CBX5: variants seen among roughly 807,000 people sequenced by gnomAD.
CBX5 encodes chromobox protein homolog 5.
A neutral mutation model predicts 20.7 loss-of-function variants in CBX5; 7 were observed. That is an observed-to-expected ratio of 0.34 (90% confidence interval 0.19 to 0.63). The LOEUF (loss-of-function observed/expected upper bound fraction) is 0.63, where lower values mean the gene tolerates loss of function less well. Ranked by LOEUF, CBX5 falls within the 30% of genes least tolerant of loss-of-function variation. The pLI is 0.75. For synonymous variants in CBX5, 78 were observed against 77.0 expected, an observed-to-expected ratio of 1.01 and a Z score of -0.07; for missense variants, 110 against 224.1, an observed-to-expected ratio of 0.49 and a Z score of 3.25.
At chr12:54,272,698 A>G (rs958107721) in intron 1 of CBX5, 2 of 152,240 alleles carry the variant, frequency 1.3e-5, no homozygotes, top group Non-Finnish European at 2.9e-5. Flanking sequence ...TTCAAGTCCT[A>G]GGCAAGAACA....
chr12:54,249,936 A>C (rs546134667), intron 3 of CBX5, among the ~76,000 whole-genome samples: 4 of 152,292 alleles, frequency 2.6e-5, no homozygotes, highest in African/African-American at 9.6e-5. Context: ...TAAAATTGTT[A>C]ATTGAGCCAG....
At chr12:54,272,812 A>G (rs964228254) in intron 1 of CBX5, 1 of 152,190 alleles carries the variant, frequency 6.6e-6, no homozygotes, top group Non-Finnish European at 1.5e-5. Flanking sequence ...ATCACTTCAT[A>G]AAGTCTTAGG....
At chr12:54,277,918 C>T (rs914579322) in intron 1 of CBX5, among the ~76,000 whole-genome samples, 3 of 152,198 alleles carry the variant, frequency 2.0e-5, no homozygotes, top group Non-Finnish European at 4.4e-5. Context: ...ATAATCATCT[C>T]ACACTGCACC....
chr12:54,244,811 G>T (rs1367718364), intron 4 of CBX5, among the ~76,000 whole-genome samples: 1 of 152,124 alleles, frequency 6.6e-6, no homozygotes, highest in African/African-American at 2.4e-5. Context: ...AATAACTTGT[G>T]CTTTGGCCAG....
rs1244907827 is a variant in CBX5 at position 54,239,676 on chromosome 12, C to T, written c.*2079G>A. On this transcript the variant is annotated 3_prime_UTR_variant, in exon 5 of 5. Coordinates refer to ENST00000209875, the MANE Select transcript of CBX5 (RefSeq NM_012117.3). ...AGAGAGAAGGAATATAGAGATAAAA[C>T]TCCCACCCACTTGAGGTATGGTTTA... is the stretch of plus-strand genomic sequence containing the variant. The T allele has an allele frequency of 6.6e-6, 1 of 152,200 alleles. No individual in the cohort carries two copies. Among genetic ancestry groups the T allele is most frequent in the Non-Finnish European group, 1.5e-5 (1 of 68,038 alleles). 9.4% of individuals were successfully genotyped at this position (152,200 alleles called of 1,614,324 possible).
At chr12:54,259,983 C>T (rs1943900265) in intron 1 of CBX5, among the ~76,000 whole-genome samples, 1 of 151,996 alleles carries the variant, frequency 6.6e-6, no homozygotes, top group Non-Finnish European at 1.5e-5. Context: ...CACCAGAGCA[C>T]TTTGGGCAAT....
At chr12:54,254,355 GT>G (rs1943843188) in intron 2 of CBX5, among the ~76,000 whole-genome samples, 2 of 141,776 alleles carry the variant, frequency 1.4e-5, no homozygotes, top group Non-Finnish European at 1.5e-5. Context: ...AAAAAAAAAG[GT>G]TTATTTAGAT....
chr12:54,272,050 G>C (rs1489856879), intron 1 of CBX5: 1 of 152,206 alleles, frequency 6.6e-6, no homozygotes, highest in Non-Finnish European at 1.5e-5. Context: ...ACGAGGCACA[G>C]AGAGTTCAAG....
intron 4 of CBX5, among the ~76,000 whole-genome samples, chr12:54,245,886 G>A (rs2137012298): frequency 6.6e-6 from 1 of 152,302 alleles, no homozygotes; most frequent in Admixed American, 6.5e-5. Context: ...GCTGAGACAG[G>A]AGAATCACTT....
chr12:54,242,003 T>C, intron 4 of CBX5, 98 bp from the exon 5 acceptor site: 1 of 1,200,868 alleles, frequency 8.3e-7, no homozygotes, highest in Non-Finnish European at 1.2e-6. Context: ...TTGACTTGAT[T>C]TCCTCCTCAC....
rs1943657000 is a variant in CBX5, at chr12:54,239,714, C to G, written c.*2041G>C. On this transcript the variant is annotated 3_prime_UTR_variant, in exon 5 of 5. Transcript: ENST00000209875. Reference sequence around the variant, plus strand: ...GAGGTATGGTTTATGAGCTCTTGCCCAATCACATTACCATTCAGAAGGATT... The same window carrying G: ...GAGGTATGGTTTATGAGCTCTTGCCGAATCACATTACCATTCAGAAGGATT... 1 of 152,162 alleles carries G rather than the reference C, an allele frequency of 6.6e-6. No homozygotes were observed. Among genetic ancestry groups the G allele is most frequent in the Non-Finnish European group, 1.5e-5 (1 of 68,040 alleles). 9.4% of individuals were successfully genotyped at this position (152,162 alleles called of 1,614,324 possible). A position where few individuals can be genotyped will look rare whatever the true frequency, so the allele number is the denominator to read the frequency against.
chr12:54,279,410 TGG>T (rs1246514238), intron 1 of CBX5, among the ~76,000 whole-genome samples: 2 of 152,152 alleles, frequency 1.3e-5, no homozygotes, highest in Non-Finnish European at 2.9e-5. Context: ...AGGAGGTGTA[TGG>T]GACTGAGGCC....
chr12:54,260,245 C>T (rs1164304533), intron 1 of CBX5, among the ~76,000 whole-genome samples: 4 of 149,976 alleles, frequency 2.7e-5, no homozygotes, highest in Admixed American at 6.6e-5. Flanking sequence ...AATCCCAGAA[C>T]TTTGGGAGGC....
chr12:54,276,261 A>G (rs1944066651), intron 1 of CBX5, among the ~76,000 whole-genome samples: 1 of 152,204 alleles, frequency 6.6e-6, no homozygotes, highest in Non-Finnish European at 1.5e-5. Flanking sequence ...TAGGTTGAAA[A>G]TATGAAAAAT....
In CBX5 at chr12:54,250,295, C is replaced by T. The variant is rs185713783; in HGVS notation, c.324+1746G>A. 3.3e-3 allele frequency among the ~76,000 whole-genome samples: 497 copies of T among 152,006 alleles called. 2 individuals carry two copies. Among genetic ancestry groups the T allele is most frequent in the African/African-American group, 0.012 (482 of 41,472 alleles). On this transcript the variant is annotated intron_variant, in intron 3 of 4. Transcript: ENST00000209875. ...CTATGGTGGCACATGCCTGTAATCC[C>T]AACTACTCAGAAGGCTGAAACAGGA...
rs1042149712 is a variant in CBX5, at chr12:54,236,789, G to A, written c.*4966C>T. 2 of 152,088 alleles carry A rather than the reference G, an allele frequency of 1.3e-5. No homozygotes were observed. Among genetic ancestry groups the A allele is most frequent in the Admixed American group, 6.5e-5 (1 of 15,270 alleles). The allele number at this position is 152,088 out of a possible 1,614,324, so 9.4% of individuals were successfully genotyped here. Reference sequence around the variant, plus strand: ...TTATGCCCTCAAAACTGAACCTTAAGGTAGAGACAATTGCTCCCCGGGCCA... The same window carrying A: ...TTATGCCCTCAAAACTGAACCTTAAAGTAGAGACAATTGCTCCCCGGGCCA... On this transcript the variant is annotated 3_prime_UTR_variant, in exon 5 of 5. Coordinates refer to ENST00000209875, the MANE Select transcript of CBX5 (RefSeq NM_012117.3).
chr12:54,263,662 G>A (rs559539470), intron 1 of CBX5, among the ~76,000 whole-genome samples: 26 of 151,320 alleles, frequency 1.7e-4, no homozygotes, highest in African/African-American at 6.1e-4. Flanking sequence ...CTACTCAGGA[G>A]GGTGAGGCAG....
chr12:54,270,257 A>G (rs1348404136), intron 1 of CBX5, among the ~76,000 whole-genome samples: 1 of 152,088 alleles, frequency 6.6e-6, no homozygotes, highest in Non-Finnish European at 1.5e-5. Context: ...TTTCCCTTTA[A>G]GCACTTCCTT....
At chr12:54,251,633 T>G (rs902706553) in intron 3 of CBX5, among the ~76,000 whole-genome samples, 21 of 151,546 alleles carry the variant, frequency 1.4e-4, no homozygotes, top group African/African-American at 4.4e-4. Context: ...TGCAGTGAGC[T>G]GAGATCCAGC....
Sources: gnomAD v4.1 joint callset for allele counts (sites outside exome capture counted in the v4.1 genomes callset) on GRCh38, gnomAD v4.1.1 for gene constraint, MANE v1.5 for transcripts, NCBI Gene and HGNC (gene_info 2026-07-23, HGNC 2026-07-21) for gene names.